Variants in ULK4 observed in about 807,000 individuals in gnomAD.
ULK4 encodes unc-51 like kinase 4.
Under a neutral mutation model 160.6 loss-of-function variants are expected in ULK4, and 133 were observed. The ratio of observed to expected loss-of-function variants is 0.83; its 90% CI spans 0.72 to 0.96. ULK4 has a LOEUF of 0.96. Ranked by LOEUF, ULK4 falls within the 40% of genes least tolerant of loss-of-function variation. The pLI is 0.00. For missense variants in ULK4, 1,580 were observed against 1,499.5 expected, an observed-to-expected ratio of 1.05 and a Z score of -0.89; for synonymous variants, 534 against 539.8, an observed-to-expected ratio of 0.99 and a Z score of 0.15.
At chr3:41,889,586 C>CT (rs923080589) in intron 16 of ULK4, among the ~76,000 whole-genome samples, 1 of 152,132 alleles carries the variant, frequency 6.6e-6, no homozygotes, top group African/African-American at 2.4e-5. Context: ...ACAATTGGTA[C>CT]TTACTAAGCT....
chr3:41,799,982 T>C, intron 20 of ULK4, 150 bp downstream of exon 20: 1 of 832,292 alleles, frequency 1.2e-6, no homozygotes, highest in Non-Finnish European at 1.7e-6. Flanking sequence ...AAATTCTCTT[T>C]TAGAAGAAAA....
At chr3:41,360,913 C>A (rs892897494) in intron 35 of ULK4, among the ~76,000 whole-genome samples, 3 of 143,506 alleles carry the variant, frequency 2.1e-5, no homozygotes, top group Non-Finnish European at 4.5e-5. Context: ...GGCACATGTA[C>A]CCCTGAACTT....
chr3:41,951,967 G>C (rs1391618748), intron 2 of ULK4, among the ~76,000 whole-genome samples: 1 of 152,124 alleles, frequency 6.6e-6, no homozygotes, highest in Non-Finnish European at 1.5e-5. Context: ...ATAAATTTCT[G>C]TTATTTATAA....
chr3:41,406,590 C>T (rs1421911872), intron 34 of ULK4, among the ~76,000 whole-genome samples: 1 of 152,146 alleles, frequency 6.6e-6, no homozygotes, highest in African/African-American at 2.4e-5. Flanking sequence ...AGACCATTTA[C>T]ATTTAAGGTA....
chr3:41,762,016 C>T (rs774819644), intron 21 of ULK4, among the ~76,000 whole-genome samples: 2 of 151,922 alleles, frequency 1.3e-5, no homozygotes, highest in Non-Finnish European at 2.9e-5. Flanking sequence ...CCCAGGAGGT[C>T]GAGGCTACAG....
chr3:41,418,668 A>G (rs2082589561), intron 34 of ULK4, among the ~76,000 whole-genome samples: 1 of 132,998 alleles, frequency 7.5e-6, no homozygotes, highest in Non-Finnish European at 1.6e-5. Context: ...TCTTGGGACC[A>G]TTCAGGACCC....
At chr3:41,949,529 T>G (rs1431994836) in intron 2 of ULK4, among the ~76,000 whole-genome samples, 1 of 149,744 alleles carries the variant, frequency 6.7e-6, no homozygotes, top group African/African-American at 2.5e-5. Flanking sequence ...GCCTTCCAGG[T>G]TCATGCGATT....
At chr3:41,429,435 A>G (rs2082851742) in intron 34 of ULK4, among the ~76,000 whole-genome samples, 1 of 152,208 alleles carries the variant, frequency 6.6e-6, no homozygotes, top group Non-Finnish European at 1.5e-5. Flanking sequence ...TTCTGTTACA[A>G]AGATACATGC....
chr3:41,896,944 A>G lies in ULK4; in HGVS notation c.1408T>C (p.Ser470Pro). ...DWNDFLQQVC[S>P]QIDSTEKSMG... ...CTCTTCTCAGTGGAGTCGATCTGCG[A>G]GCACACTTGTTGCAAAAAGTCATTC... The change falls in exon 15 of 37, where the codon TCG becomes CCG. Residue 470 changes from serine (S) to proline (P), a missense_variant. Transcript: ENST00000301831. 1 of 1,613,556 alleles carries G rather than the reference A, an allele frequency of 6.2e-7. No individual in the cohort carries two copies. Among genetic ancestry groups the G allele is most frequent in the Non-Finnish European group, 8.5e-7 (1 of 1,179,906 alleles).
At chr3:41,293,454 A>G (rs1446630668) in intron 35 of ULK4, among the ~76,000 whole-genome samples, 1 of 152,186 alleles carries the variant, frequency 6.6e-6, no homozygotes, top group African/African-American at 2.4e-5. Context: ...ACCTTGAGAT[A>G]TACATGATAC....
intron 34 of ULK4, among the ~76,000 whole-genome samples, chr3:41,417,114 G>A (rs933072476): frequency 6.6e-6 from 1 of 152,142 alleles, no homozygotes; most frequent in Non-Finnish European, 1.5e-5. Flanking sequence ...CTGCCTCTAC[G>A]CACGTGAGAG....
chr3:41,604,084 A>G (rs1342227069), intron 31 of ULK4, among the ~76,000 whole-genome samples: 2 of 152,092 alleles, frequency 1.3e-5, no homozygotes, highest in South Asian at 4.1e-4. Flanking sequence ...AGGTTCAGAA[A>G]CAGCTATGTA....
At chr3:41,690,508 C>T (rs1406834140) in intron 27 of ULK4, among the ~76,000 whole-genome samples, 1 of 151,568 alleles carries the variant, frequency 6.6e-6, no homozygotes, top group Admixed American at 6.6e-5. Flanking sequence ...CTTCTTCCTT[C>T]ACAAGCTCTG....
intron 21 of ULK4, among the ~76,000 whole-genome samples, chr3:41,763,426 G>T (rs978962773): frequency 6.6e-6 from 1 of 151,888 alleles, no homozygotes; most frequent in Non-Finnish European, 1.5e-5. Flanking sequence ...AAATAATCAA[G>T]AAAAAAGGGG....
At position 41,918,442 on chromosome 3, in the gene ULK4, C is replaced by G. The variant is rs749795658; in HGVS notation, c.727+15G>C. On this transcript the variant is annotated intron_variant, in intron 7 of 36. Coordinates refer to ENST00000301831, the MANE Select transcript of ULK4 (RefSeq NM_017886.4). ...TAAAATGTAAATTAATTCCATTTATCATAAGAAATCTTACCTTTCGGAATA... is the reference window on the plus strand; with the variant it reads ...TAAAATGTAAATTAATTCCATTTATGATAAGAAATCTTACCTTTCGGAATA... The G allele has an allele frequency of 7.8e-6, 12 of 1,537,612 alleles. No homozygotes were observed. The East Asian group carries it at 2.8e-4, about 35-fold the overall frequency.
intron 30 of ULK4, among the ~76,000 whole-genome samples, chr3:41,635,143 T>C (rs920581136): frequency 2.0e-5 from 3 of 152,316 alleles, no homozygotes; most frequent in South Asian, 2.1e-4. Flanking sequence ...TTATTGCATA[T>C]ACTGAGTAAC....
intron 32 of ULK4, among the ~76,000 whole-genome samples, chr3:41,553,373 C>T (rs1289128716): frequency 6.6e-6 from 1 of 151,862 alleles, no homozygotes; most frequent in Non-Finnish European, 1.5e-5. Context: ...GAACTAATAT[C>T]CAAAATATAA....
intron 32 of ULK4, among the ~76,000 whole-genome samples, chr3:41,475,348 T>A (rs1244782583): frequency 6.6e-6 from 1 of 152,152 alleles, no homozygotes; most frequent in Non-Finnish European, 1.5e-5. Flanking sequence ...GTGGGCAGAA[T>A]GTGGAGATGA....
At chr3:41,674,745 A>C (rs924431434) in intron 29 of ULK4, among the ~76,000 whole-genome samples, 3 of 152,192 alleles carry the variant, frequency 2.0e-5, no homozygotes, top group African/African-American at 7.2e-5. Flanking sequence ...GAGTCAATGC[A>C]TGACACGGAT....
Sources: allele counts gnomAD v4.1 joint callset (sites outside exome capture counted in the v4.1 genomes callset), GRCh38; gene constraint gnomAD v4.1.1; transcripts MANE v1.5; gene names NCBI Gene and HGNC (gene_info 2026-07-23, HGNC 2026-07-21).